ARID4A: variants seen among roughly 807,000 people sequenced by gnomAD.
ARID4A encodes AT-rich interaction domain 4A, also known as AT-rich interactive domain-containing protein 4A.
A neutral mutation model predicts 148.6 loss-of-function variants in ARID4A; 39 were observed. That is an observed-to-expected ratio of 0.26 (90% CI 0.20 to 0.34). The LOEUF (loss-of-function observed/expected upper bound fraction) is 0.34, where lower values mean the gene tolerates loss of function less well. ARID4A is among the 10% of genes least tolerant of loss of function. The pLI is 1.00. For missense variants in ARID4A, 1,265 were observed against 1,449.1 expected (o/e 0.87, Z 2.06); for synonymous variants, 475 against 481.2 (o/e 0.99, Z 0.17).
intron 5 of ARID4A, among the ~76,000 whole-genome samples, chr14:58,316,915 C>T (rs1566675625): frequency 0.01 from 2 of 192 alleles, no homozygotes; most frequent in South Asian, 0.05. Flanking sequence ...TACTAAAGGC[C>T]AGGCGCGGTG....
intron 19 of ARID4A, 34 bp downstream of exon 19, chr14:58,361,076 G>A (rs766522162): frequency 6.3e-7 from 1 of 1,576,672 alleles, no homozygotes; most frequent in Non-Finnish European, 8.6e-7. Flanking sequence ...ATACCAGACA[G>A]CTCACCTCTG....
rs371774902 is a variant in ARID4A at position 58,365,419 on chromosome 14, T to C, written c.3212-99T>C. On this transcript the variant is annotated intron_variant, in intron 20 of 23. Transcript: ENST00000355431. ...TTTTCTTTTCTCTCTTCTTTTCTTA[T>C]TAAAAAGAAAGAAATGTCAGTGTAG... 871 of 1,392,980 alleles carry C rather than the reference T, an allele frequency of 6.3e-4. 10 individuals carry two copies. The South Asian group carries it at 0.011, about 18-fold the overall frequency. The allele number at this position is 1,392,980 out of a possible 1,614,324, so 86.3% of individuals were successfully genotyped here. A position where few individuals can be genotyped will look rare whatever the true frequency, so the allele number is the denominator to read the frequency against.
At chr14:58,305,538 A>T (rs117059513) in intron 4 of ARID4A, among the ~76,000 whole-genome samples, 2 of 152,304 alleles carry the variant, frequency 1.3e-5, no homozygotes, top group Non-Finnish European at 2.9e-5. Context: ...AAGAAGGTCA[A>T]CTGGTCCATC....
chr14:58,316,291 G>A (rs1408537596), intron 5 of ARID4A, among the ~76,000 whole-genome samples: 4 of 151,448 alleles, frequency 2.6e-5, no homozygotes, highest in East Asian at 1.9e-4. Flanking sequence ...TTGTTTTTGG[G>A]TACATATGTA....
At chr14:58,337,306 A>G (rs940231249) in intron 11 of ARID4A, among the ~76,000 whole-genome samples, 3 of 138,224 alleles carry the variant, frequency 2.2e-5, no homozygotes, top group Non-Finnish European at 3.1e-5. Flanking sequence ...AGAATTTTTT[A>G]CAAGCTTTTA....
chr14:58,358,989 CCT>C (rs1331416414), intron 17 of ARID4A, 141 bp from the exon 18 acceptor site: 17 of 846,396 alleles, frequency 2.0e-5, no homozygotes, highest in Admixed American at 3.3e-5. Context: ...CAAACCAGCC[CCT>C]GTGCCCTTCA....
At chr14:58,303,403 C>G (rs1385362295) in intron 3 of ARID4A, 2 of 390,420 alleles carry the variant, frequency 5.1e-6, no homozygotes, top group African/African-American at 2.1e-5. Context: ...CTCCTTGATA[C>G]GACTCCAAAG....
At chr14:58,349,127 C>T (rs2034513802) in intron 15 of ARID4A, among the ~76,000 whole-genome samples, 1 of 152,150 alleles carries the variant, frequency 6.6e-6, no homozygotes, top group Non-Finnish European at 1.5e-5. Context: ...TTTTTACTGG[C>T]TTATTCACTC....
At chr14:58,356,396 T>C (rs1295423139) in intron 17 of ARID4A, among the ~76,000 whole-genome samples, 1 of 152,204 alleles carries the variant, frequency 6.6e-6, no homozygotes, top group Non-Finnish European at 1.5e-5. Context: ...CATGAGAGCA[T>C]TGGCCATGTT....
In ARID4A at chr14:58,346,450, A is replaced by C; in HGVS notation, c.1019A>C (p.Asp340Ala). The change falls in exon 13 of 24, where the codon GAT (aspartate) becomes GCT (alanine). Residue 340 changes from aspartate to alanine, a missense_variant. Around this residue, in one of 9 missense-constraint regions of ARID4A, gnomAD observed 249 missense variants for 277.2 expected, o/e 0.90. Coordinates refer to ENST00000355431, the MANE Select transcript of ARID4A (RefSeq NM_002892.4). ...INKPPVLGYK[D>A]LNLFKLFRLV... ...AAACCACCTGTTTTGGGCTATAAAG[A>C]TCTCAATCTCTTCAAACTCTTCAGA... The C allele has an allele frequency of 2.5e-6, 4 of 1,610,486 alleles. No homozygotes were observed. The highest frequency in any genetic ancestry group is 1.1e-5 in the South Asian group (1 of 90,794).
In ARID4A at chr14:58,329,565, A is replaced by G. The variant is rs771368721; in HGVS notation, c.700A>G (p.Ile234Val). 4 of 1,607,746 alleles carry G rather than the reference A, an allele frequency of 2.5e-6. No homozygotes were observed. Among genetic ancestry groups the G allele is most frequent in the South Asian group, 1.1e-5 (1 of 90,932 alleles). Residue 234 changes from isoleucine to valine, a missense_variant, in exon 10 of 24, where the codon ATT becomes GTT. Physicochemically the swap from Ile to Val is conservative, Grantham distance 29. Around this residue, in one of 9 missense-constraint regions of ARID4A, gnomAD observed 249 missense variants for 277.2 expected, o/e 0.90. Coordinates refer to ENST00000355431, the MANE Select transcript of ARID4A (RefSeq NM_002892.4). ...AAGAAAGGACATTAAGGAAGTAGAC[A>G]TTCTCAATCTACCGGAATCTGAGCT... ...IARKDIKEVD[I>V]LNLPESELST...
intron 14 of ARID4A, 37 bp downstream of exon 14, chr14:58,347,154 T>A (rs2034413354): frequency 8.8e-7 from 1 of 1,130,646 alleles, no homozygotes; most frequent in African/African-American, 1.6e-5. Flanking sequence ...GAATATATAT[T>A]TATAGGAAAT....
At chr14:58,366,452 TAAG>T (rs761490064) in intron 22 of ARID4A, among the ~76,000 whole-genome samples, 3 of 152,170 alleles carry the variant, frequency 2.0e-5, no homozygotes, top group Non-Finnish European at 2.9e-5. Context: ...AGGTCTCCAT[TAAG>T]AAGCCATGTA....
intron 5 of ARID4A, among the ~76,000 whole-genome samples, chr14:58,311,242 A>G (rs375397638): frequency 1.8e-4 from 27 of 152,062 alleles, no homozygotes; most frequent in Non-Finnish European, 1.2e-4. Context: ...CAAGACTCCA[A>G]TCTAAAAAAA....
chr14:58,371,970 T>C lies in ARID4A; in HGVS notation c.3755T>C (p.Leu1252Pro), dbSNP rs2035635429. Reference sequence around the variant, plus strand: ...TCATCATCTCCCCCACAAAATGTACTTGCTGTAGAATGCAGGTGATAAACA... The same window carrying C: ...TCATCATCTCCCCCACAAAATGTACCTGCTGTAGAATGCAGGTGATAAACA... ...PSSSSPPQNV[L>P]AVECR Residue 1252 changes from leucine (L) to proline (P), a missense_variant, in exon 24 of 24, where the codon CTT (leucine) becomes CCT (proline). Transcript: ENST00000355431. The C allele has an allele frequency of 1.2e-6, 2 of 1,609,628 alleles. No individual in the cohort carries two copies. The highest frequency in any genetic ancestry group is 1.7e-6 in the Non-Finnish European group (2 of 1,175,962).
chr14:58,336,119 T>G (rs891010708), intron 11 of ARID4A, among the ~76,000 whole-genome samples: 2 of 152,146 alleles, frequency 1.3e-5, no homozygotes, highest in Admixed American at 1.3e-4. Flanking sequence ...TGGATTAAAA[T>G]ATTTCTAAAG....
intron 11 of ARID4A, among the ~76,000 whole-genome samples, chr14:58,338,966 T>A (rs1594923088): frequency 1.8e-5 from 2 of 111,614 alleles, no homozygotes; most frequent in East Asian, 5.2e-4. Context: ...TATTAAAACT[T>A]TTTTTTTTTT....
rs966800648 is a variant in ARID4A, at chr14:58,312,525, A to AT, written c.275-6008dup. On this transcript the variant is annotated intron_variant, in intron 5 of 23. Coordinates refer to ENST00000355431, the MANE Select transcript of ARID4A (RefSeq NM_002892.4). ...GCCTCCGTGCCCGGTGAAATAAATA[A>AT]TTTTTTTTTAAAAAAACTACTGGCC... is the stretch of plus-strand genomic sequence containing the variant. Among the ~76,000 whole-genome samples the AT allele has an allele frequency of 3.6e-4, 55 of 151,708 alleles. No individual in the cohort carries two copies. In the East Asian group the frequency reaches 6.8e-3, roughly 19 times the overall value.
intron 11 of ARID4A, among the ~76,000 whole-genome samples, chr14:58,336,978 G>A (rs1249875280): frequency 2.7e-5 from 4 of 149,980 alleles, no homozygotes; most frequent in African/African-American, 9.8e-5. Flanking sequence ...TGCAACCTCC[G>A]CCTCCCGAGT....
Sources: allele counts gnomAD v4.1 joint callset (sites outside exome capture counted in the v4.1 genomes callset), GRCh38; gene constraint gnomAD v4.1.1; regional missense constraint gnomAD v4.1.1; transcripts MANE v1.5; gene names NCBI Gene and HGNC (gene_info 2026-07-23, HGNC 2026-07-21).